The following RAP1A variants were observed in gnomAD, a reference collection of about 807,000 sequenced individuals.
RAP1A encodes the protein RAP1A, member of RAS oncogene family, also known as ras-related protein Rap-1A.
RAP1A carries 6 observed loss-of-function variants against 26.4 expected under a neutral mutation model. The observed-to-expected ratio is 0.23, with a 90% confidence interval of 0.12 to 0.45. The LOEUF (loss-of-function observed/expected upper bound fraction) is 0.45, where lower values mean the gene tolerates loss of function less well. RAP1A is among the 20% of genes least tolerant of loss of function. The pLI is 0.99. For missense variants in RAP1A, 121 were observed against 217.2 expected (o/e 0.56, Z 2.78); for synonymous variants, 73 against 79.4 (o/e 0.92, Z 0.43).
intron 1 of RAP1A, among the ~76,000 whole-genome samples, chr1:111,609,395 A>G (rs912585076): frequency 3.9e-5 from 6 of 152,100 alleles, no homozygotes; most frequent in African/African-American, 9.7e-5. Flanking sequence ...TGCTATTTCT[A>G]TTCTCTGTTT....
chr1:111,692,817 G>C (rs1407304491), intron 2 of RAP1A, among the ~76,000 whole-genome samples: 1 of 152,152 alleles, frequency 6.6e-6, no homozygotes, highest in East Asian at 1.9e-4. Flanking sequence ...TAAAATCATA[G>C]AGTATCTCTT....
At chr1:111,596,208 C>T (rs1418531387) in intron 1 of RAP1A, among the ~76,000 whole-genome samples, 3 of 152,044 alleles carry the variant, frequency 2.0e-5, no homozygotes, top group Non-Finnish European at 2.9e-5. Context: ...GGATCATTTA[C>T]AACATTCTTT....
chr1:111,711,416 A>G (rs1465108623), intron 7 of RAP1A, among the ~76,000 whole-genome samples: 1 of 152,214 alleles, frequency 6.6e-6, no homozygotes, highest in Non-Finnish European at 1.5e-5. Flanking sequence ...TTTAAAATTC[A>G]TTTATACACA....
rs958149614 is a variant in RAP1A at position 111,715,518 on chromosome 1, G to T, written c.*3117G>T. On this transcript the variant is annotated 3_prime_UTR_variant, in exon 8 of 8. Transcript: ENST00000369709. ...AGGGAAGATACTACAGTTCATCAAA[G>T]ATATGAATAACACCCTAGTTTTCTG... 2.0e-5 allele frequency: 3 copies of T among 152,186 alleles called. No homozygotes were observed. The highest frequency in any genetic ancestry group is 6.5e-5 in the Admixed American group (1 of 15,282). The allele number at this position is 152,186 out of a possible 1,614,324, so 9.4% of individuals were successfully genotyped here. A position where few individuals can be genotyped will look rare whatever the true frequency, so the allele number is the denominator to read the frequency against.
At chr1:111,610,887 C>T (rs1276501063) in intron 1 of RAP1A, among the ~76,000 whole-genome samples, 1 of 152,138 alleles carries the variant, frequency 6.6e-6, no homozygotes, top group Non-Finnish European at 1.5e-5. Context: ...AATTGTTGCT[C>T]TTTAAGGTAG....
chr1:111,688,830 TTTTGTTTTTTTG>T (rs1557893236), intron 1 of RAP1A, among the ~76,000 whole-genome samples: 2 of 99,188 alleles, frequency 2.0e-5, no homozygotes, highest in African/African-American at 7.7e-5. Context: ...TTGTTTTTTT[TTTTGTTTTTTTG>T]TTTTGTTTTT....
Position 111,607,757 on chromosome 1 carries a change from AGGGG to A in RAP1A, c.-28+65249_-28+65252del, listed in dbSNP as rs1658822201. Among the ~76,000 whole-genome samples, 2 of 120,034 alleles carry A rather than the reference AGGGG, an allele frequency of 1.7e-5. 1 individual carries two copies. Among genetic ancestry groups the A allele is most frequent in the Admixed American group, 1.7e-4 (2 of 11,862 alleles). The allele number at this position is 120,034 out of a possible 152,430, so 78.7% of individuals were successfully genotyped here. A position where few individuals can be genotyped will look rare whatever the true frequency, so the allele number is the denominator to read the frequency against. ...GCAGAGGGGCTCCTCACTTCCCAGT[AGGGG>A]CGGCTGGGCAGAGGCGCCCCTCACC... is the stretch of plus-strand genomic sequence containing the variant. On this transcript the variant is annotated intron_variant, in intron 1 of 7. Coordinates refer to the RAP1A transcript ENST00000356415.
intron 1 of RAP1A, among the ~76,000 whole-genome samples, chr1:111,678,343 C>CT (rs1461905068): frequency 6.6e-5 from 10 of 152,268 alleles, no homozygotes; most frequent in African/African-American, 2.4e-4. Flanking sequence ...AAATGTATCT[C>CT]TAAGTAGTTT....
At chr1:111,582,599 A>C (rs1480983607) in intron 1 of RAP1A, among the ~76,000 whole-genome samples, 1 of 152,186 alleles carries the variant, frequency 6.6e-6, no homozygotes, top group Non-Finnish European at 1.5e-5. Flanking sequence ...GGGAATATTT[A>C]AGCTCCGGTT....
At chr1:111,557,901 A>T (rs564262139) in intron 1 of RAP1A, among the ~76,000 whole-genome samples, 95 of 152,336 alleles carry the variant, frequency 6.2e-4, no homozygotes, top group African/African-American at 2.2e-3. Flanking sequence ...TTAGAAGAGA[A>T]ATGTATCAAA....
intron 1 of RAP1A, among the ~76,000 whole-genome samples, chr1:111,579,342 C>T (rs1658207078): frequency 6.6e-6 from 1 of 152,162 alleles, no homozygotes; most frequent in African/African-American, 2.4e-5. Context: ...ATGTTCCTAT[C>T]ACCCAGGAAA....
chr1:111,621,951 G>T (rs1659221069), intron 1 of RAP1A, among the ~76,000 whole-genome samples: 2 of 152,122 alleles, frequency 1.3e-5, no homozygotes, highest in South Asian at 4.1e-4. Context: ...CATATACGTT[G>T]TTCCTGTAGT....
intron 1 of RAP1A, among the ~76,000 whole-genome samples, chr1:111,641,861 C>G (rs1372714965): frequency 1.3e-5 from 2 of 152,118 alleles, no homozygotes; most frequent in African/African-American, 4.8e-5. Flanking sequence ...GATGCTAGAG[C>G]CACAGTGCCA....
intron 1 of RAP1A, among the ~76,000 whole-genome samples, chr1:111,656,769 G>T (rs1169631298): frequency 1.3e-5 from 2 of 151,700 alleles, no homozygotes; most frequent in African/African-American, 2.4e-5. Context: ...TGCTTTGATG[G>T]CTTCTCTGCT....
At chr1:111,664,916 G>T (rs1660756122) in intron 1 of RAP1A, among the ~76,000 whole-genome samples, 1 of 152,156 alleles carries the variant, frequency 6.6e-6, no homozygotes, top group Admixed American at 6.5e-5. Flanking sequence ...TTGTGTTGTT[G>T]TTATATAACA....
At chr1:111,601,259 T>C (rs116008643) in intron 1 of RAP1A, among the ~76,000 whole-genome samples, 447 of 152,264 alleles carry the variant, frequency 2.9e-3, no homozygotes, top group African/African-American at 0.01. Flanking sequence ...TCAGCCACTC[T>C]CTAATTTCAA....
At chr1:111,580,789 A>G (rs961546481) in intron 1 of RAP1A, among the ~76,000 whole-genome samples, 2 of 151,774 alleles carry the variant, frequency 1.3e-5, no homozygotes, top group Non-Finnish European at 2.9e-5. Context: ...AGAGGTTGTA[A>G]TGAGCCGAGA....
intron 1 of RAP1A, among the ~76,000 whole-genome samples, chr1:111,668,813 A>C (rs1660879765): frequency 6.6e-6 from 1 of 152,098 alleles, no homozygotes; most frequent in South Asian, 2.1e-4. Flanking sequence ...AGATCACTTA[A>C]GCCCAAGGAG....
At chr1:111,655,658 CTTTTT>C (rs34266778) in intron 1 of RAP1A, among the ~76,000 whole-genome samples, 2 of 85,128 alleles carry the variant, frequency 2.3e-5, no homozygotes, top group Admixed American at 3.2e-4. Context: ...TGTTCATAGT[CTTTTT>C]TTTTTTTTTT....
Sources: gnomAD v4.1 joint callset for allele counts (sites outside exome capture counted in the v4.1 genomes callset) on GRCh38, gnomAD v4.1.1 for gene constraint, MANE v1.5 for transcripts, NCBI Gene and HGNC (gene_info 2026-07-23, HGNC 2026-07-21) for gene names.